The following NT5DC1 variants were observed in gnomAD, a reference collection of about 807,000 sequenced individuals.
NT5DC1 encodes the protein 5'-nucleotidase domain-containing protein 1.
Under a neutral mutation model 59.4 loss-of-function variants are expected in NT5DC1, and 42 were observed. The ratio of observed to expected loss-of-function variants is 0.71; its 90% CI spans 0.55 to 0.92. NT5DC1 has a LOEUF of 0.92. Ranked by LOEUF, NT5DC1 falls within the 40% of genes least tolerant of loss-of-function variation. The pLI, the probability that NT5DC1 is intolerant of heterozygous loss-of-function variation, is 0.00. For missense variants in NT5DC1, 501 were observed against 537.1 expected (o/e 0.93, Z 0.66); for synonymous variants, 172 against 188.1 (o/e 0.91, Z 0.70).
chr6:116,232,030 T>G (rs1372560575), intron 8 of NT5DC1, among the ~76,000 whole-genome samples: 2 of 152,212 alleles, frequency 1.3e-5, no homozygotes, highest in Non-Finnish European at 2.9e-5. Context: ...GAAACCAGGT[T>G]GTAGCAGGAT....
rs190518093 is a variant in NT5DC1, at chr6:116,249,413, A to G, written c.*5389A>G. On this transcript the variant is annotated 3_prime_UTR_variant, in exon 12 of 12. Coordinates refer to ENST00000319550, the MANE Select transcript of NT5DC1 (RefSeq NM_152729.3). ...AAGCCCTCCTTACTGCAGAGAATGCAGAGGTATTTATCCAATAAACTTTCA... is the reference window on the plus strand; with the variant it reads ...AAGCCCTCCTTACTGCAGAGAATGCGGAGGTATTTATCCAATAAACTTTCA... 22 of 152,386 alleles carry G rather than the reference A, an allele frequency of 1.4e-4. No homozygotes were observed. The East Asian group carries it at 4.0e-3, about 28-fold the overall frequency. 9.4% of individuals were successfully genotyped at this position (152,386 alleles called of 1,614,324 possible).
At chr6:116,207,816 C>T (rs1209221) in intron 6 of NT5DC1, among the ~76,000 whole-genome samples, 64,543 of 151,738 alleles carry the variant, frequency 0.43, 17,681 homozygotes, top group African/African-American at 0.78. Context: ...TATAAAGAGC[C>T]GCCCCAGGCT....
In NT5DC1 at chr6:116,244,025, G is replaced by A. The variant is rs41289920; in HGVS notation, c.*1G>A. The A allele has an allele frequency of 1.3e-3, 1,675 of 1,264,946 alleles. 2 individuals carry two copies. Among genetic ancestry groups the A allele is most frequent in the Non-Finnish European group, 1.8e-3 (1,591 of 885,222 alleles). The allele number at this position is 1,264,946 out of a possible 1,614,324, so 78.4% of individuals were successfully genotyped here. On this transcript the variant is annotated 3_prime_UTR_variant, in exon 12 of 12. Transcript: ENST00000319550. ...TGATGAGACACTGATATCCAAATAA[G>A]TTGTCTTTACTGAAAAATGAAGTGA...
intron 6 of NT5DC1, among the ~76,000 whole-genome samples, chr6:116,152,006 T>C (rs922282611): frequency 1.3e-5 from 2 of 152,180 alleles, no homozygotes; most frequent in Non-Finnish European, 2.9e-5. Context: ...ACTAAGCTAA[T>C]TGACTAAGAT....
chr6:116,116,617 G>A (rs1026938096), intron 5 of NT5DC1, among the ~76,000 whole-genome samples: 3 of 152,088 alleles, frequency 2.0e-5, no homozygotes, highest in Non-Finnish European at 2.9e-5. Flanking sequence ...ACTCTAGCCT[G>A]GGCGACATAG....
chr6:116,155,011 A>G (rs1780149113), intron 6 of NT5DC1, among the ~76,000 whole-genome samples: 1 of 152,200 alleles, frequency 6.6e-6, no homozygotes, highest in Admixed American at 6.6e-5. Flanking sequence ...CTGGTTTGAA[A>G]TGAGGCTGGT....
rs573645822 is a variant in NT5DC1 at position 116,106,761 on chromosome 6, T to C, written c.185+426T>C. Among the ~76,000 whole-genome samples, 4 of 152,340 alleles carry C rather than the reference T, an allele frequency of 2.6e-5. No individual in the cohort carries two copies. The South Asian group carries it at 8.3e-4, about 32-fold the overall frequency. ...ATTAGGACAATTGCTTTTCTGTCAT[T>C]TAGTTCGACATTCCTAAGACTCTTA... is the stretch of plus-strand genomic sequence containing the variant. On this transcript the variant is annotated intron_variant, in intron 2 of 11. Transcript: ENST00000319550.
intron 6 of NT5DC1, among the ~76,000 whole-genome samples, chr6:116,155,499 T>C (rs1260423360): frequency 6.6e-6 from 1 of 152,124 alleles, no homozygotes; most frequent in Non-Finnish European, 1.5e-5. Flanking sequence ...TAATACGTAC[T>C]GAATCCAGTT....
At chr6:116,219,961 CAAA>C (rs1170500016) in intron 6 of NT5DC1, among the ~76,000 whole-genome samples, 4,194 of 35,756 alleles carry the variant, frequency 0.12, 28 homozygotes, top group Non-Finnish European at 0.13. Context: ...GACTCTGTCT[CAAA>C]AAAAAAAAAA....
intron 6 of NT5DC1, among the ~76,000 whole-genome samples, chr6:116,129,891 A>T (rs1779419550): frequency 6.6e-6 from 1 of 152,106 alleles, no homozygotes; most frequent in African/African-American, 2.4e-5. Flanking sequence ...TAGAGTTTTC[A>T]TCTGATTTCA....
chr6:116,147,984 C>CA (rs1445896372), intron 6 of NT5DC1, among the ~76,000 whole-genome samples: 4,990 of 109,048 alleles, frequency 0.046, 276 homozygotes, highest in African/African-American at 0.15. Flanking sequence ...GACTCTGTCT[C>CA]AAAAAAAAAA....
chr6:116,228,652 T>C (rs1172191360), intron 8 of NT5DC1, among the ~76,000 whole-genome samples: 1 of 152,204 alleles, frequency 6.6e-6, no homozygotes, highest in Non-Finnish European at 1.5e-5. Context: ...TAAACCAAAA[T>C]ACTTTTTTCT....
rs527909642 is a variant in NT5DC1, at chr6:116,204,022, G to GA, written c.530-17024dup. 1.6e-3 allele frequency among the ~76,000 whole-genome samples: 242 copies of GA among 151,566 alleles called. 1 individual carries two copies. Among genetic ancestry groups the GA allele is most frequent in the African/African-American group, 5.6e-3 (232 of 41,342 alleles). On this transcript the variant is annotated intron_variant, in intron 6 of 11. Coordinates refer to ENST00000319550, the MANE Select transcript of NT5DC1 (RefSeq NM_152729.3). The stretch of plus-strand genomic sequence containing the variant: ...ATTCCCAGCTCTCCATAGACCCGCT[G>GA]AAAAAAAACCCTCGAAGGCTGTGGC...
chr6:116,151,693 T>G (rs1295385963), intron 6 of NT5DC1, among the ~76,000 whole-genome samples: 1 of 152,206 alleles, frequency 6.6e-6, no homozygotes, highest in African/African-American at 2.4e-5. Flanking sequence ...AATTTTATAT[T>G]TCTCTTTCCC....
At chr6:116,224,658 C>T (rs1451329455) in intron 8 of NT5DC1, among the ~76,000 whole-genome samples, 10 of 152,198 alleles carry the variant, frequency 6.6e-5, no homozygotes, top group African/African-American at 2.4e-4. Context: ...AGTTTTGTCA[C>T]ATTCTAGTAA....
chr6:116,120,719 T>G (rs1376948148), intron 6 of NT5DC1: 1 of 1,582,022 alleles, frequency 6.3e-7, no homozygotes, highest in African/African-American at 1.4e-5. Context: ...TGGATCCCCT[T>G]TAGACCCAGG....
intron 6 of NT5DC1, among the ~76,000 whole-genome samples, chr6:116,128,337 C>G (rs1021905218): frequency 1.3e-5 from 2 of 152,114 alleles, no homozygotes; most frequent in African/African-American, 2.4e-5. Context: ...TATTTTCTAG[C>G]CACACCCCAC....
Position 116,194,607 on chromosome 6 carries a change from G to A in NT5DC1, c.530-26447G>A, listed in dbSNP as rs148242683. ...ATAAAACTATAACAACTGTGAGGGA[G>A]GGGTAAGAATAATAAAGGATAATGT... On this transcript the variant is annotated intron_variant, in intron 6 of 11. Transcript: ENST00000319550. Among the ~76,000 whole-genome samples the A allele has an allele frequency of 2.3e-3, 345 of 152,100 alleles. 1 individual carries two copies. Among genetic ancestry groups the A allele is most frequent in the African/African-American group, 8.1e-3 (336 of 41,520 alleles).
rs569059520 is a variant in NT5DC1, at chr6:116,206,185, C to A, written c.530-14869C>A. ...CATTTTGGGCCCATGCAGGGCAATT[C>A]CATGATGCAGTGTGGCCCATAGCAT... On this transcript the variant is annotated intron_variant, in intron 6 of 11. Coordinates refer to ENST00000319550, the MANE Select transcript of NT5DC1 (RefSeq NM_152729.3). 2.0e-5 allele frequency among the ~76,000 whole-genome samples: 3 copies of A among 152,092 alleles called. No homozygotes were observed. The East Asian group carries it at 5.8e-4, about 30-fold the overall frequency.
Sources: gnomAD v4.1 joint callset for allele counts (sites outside exome capture counted in the v4.1 genomes callset) on GRCh38, gnomAD v4.1.1 for gene constraint, MANE v1.5 for transcripts, NCBI Gene and HGNC (gene_info 2026-07-23, HGNC 2026-07-21) for gene names.